The following LRRTM4 variants were observed in gnomAD, a reference collection of about 807,000 sequenced individuals.
LRRTM4 encodes leucine-rich repeat transmembrane neuronal protein 4.
Under a neutral mutation model 47.6 loss-of-function variants are expected in LRRTM4, and 25 were observed. That is an observed-to-expected ratio of 0.53 (90% confidence interval 0.38 to 0.73). LRRTM4 has a LOEUF of 0.73. Ranked by LOEUF, LRRTM4 falls within the 30% of genes least tolerant of loss-of-function variation. The probability of loss-of-function intolerance (pLI) is 0.00; values close to 1 mark genes in which losing one functional copy is unlikely to be tolerated. For missense variants in LRRTM4, 638 were observed against 713.4 expected (o/e 0.89, Z 1.20); for synonymous variants, 311 against 269.5 (o/e 1.15, Z -1.51).
intron 3 of LRRTM4, among the ~76,000 whole-genome samples, chr2:76,928,174 CAA>C (rs1674650989): frequency 6.6e-6 from 1 of 152,090 alleles, no homozygotes; most frequent in Non-Finnish European, 1.5e-5. Flanking sequence ...AGGTTTGCAA[CAA>C]AAGTCACACT....
chr2:76,798,344 A>G (rs1365159599), intron 3 of LRRTM4, among the ~76,000 whole-genome samples: 6 of 152,114 alleles, frequency 3.9e-5, no homozygotes, highest in Non-Finnish European at 8.8e-5. Context: ...CTGCTCCTGA[A>G]TGACTACTGG....
chr2:77,169,061 A>G (rs957465556), intron 3 of LRRTM4, among the ~76,000 whole-genome samples: 7 of 152,302 alleles, frequency 4.6e-5, no homozygotes, highest in African/African-American at 1.7e-4. Context: ...AAAAGTAGGC[A>G]TAGAAGAAAT....
intron 3 of LRRTM4, among the ~76,000 whole-genome samples, chr2:77,333,153 C>CTGTA (rs1671032389): frequency 2.0e-5 from 3 of 152,176 alleles, no homozygotes. Flanking sequence ...CCATGTGGAA[C>CTGTA]TGTAAGTCCA....
intron 3 of LRRTM4, among the ~76,000 whole-genome samples, chr2:77,191,530 A>C (rs943696616): frequency 6.6e-6 from 1 of 152,018 alleles, no homozygotes; most frequent in South Asian, 2.1e-4. Flanking sequence ...AAGTTTCCTT[A>C]GGATAAAAGT....
intron 3 of LRRTM4, among the ~76,000 whole-genome samples, chr2:77,198,234 G>T (rs147610788): frequency 1.2e-4 from 19 of 152,270 alleles, no homozygotes; most frequent in African/African-American, 3.4e-4. Context: ...GAAGAATCCT[G>T]CAAATGATCC....
chr2:76,899,643 A>G (rs1673553675), intron 3 of LRRTM4, among the ~76,000 whole-genome samples: 1 of 152,138 alleles, frequency 6.6e-6, no homozygotes, highest in African/African-American at 2.4e-5. Flanking sequence ...AAAGGCAGGA[A>G]AAAGTAATAG....
intron 3 of LRRTM4, among the ~76,000 whole-genome samples, chr2:77,277,797 T>C (rs533288408): frequency 8.5e-5 from 13 of 152,074 alleles, no homozygotes; most frequent in South Asian, 6.2e-4. Context: ...TTACATTTGC[T>C]TGTCATATTT....
chr2:77,029,910 G>T (rs1428372926), intron 3 of LRRTM4, among the ~76,000 whole-genome samples: 1 of 151,972 alleles, frequency 6.6e-6, no homozygotes, highest in Non-Finnish European at 1.5e-5. Flanking sequence ...GGGACTCAGG[G>T]GGAAATTAAA....
intron 3 of LRRTM4, among the ~76,000 whole-genome samples, chr2:77,209,318 A>G (rs1044373734): frequency 5.9e-5 from 9 of 152,142 alleles, no homozygotes; most frequent in Admixed American, 3.3e-4. Context: ...GGGCATCAGA[A>G]TTTGGGGAAA....
chr2:77,113,253 G>C (rs1258023250), intron 3 of LRRTM4, among the ~76,000 whole-genome samples: 2 of 152,124 alleles, frequency 1.3e-5, no homozygotes, highest in South Asian at 4.1e-4. Flanking sequence ...TAAATGCTGA[G>C]ATGGGGTTAG....
chr2:77,407,706 A>C (rs1186937776), intron 3 of LRRTM4, among the ~76,000 whole-genome samples: 4 of 127,836 alleles, frequency 3.1e-5, no homozygotes, highest in Non-Finnish European at 4.6e-5. Flanking sequence ...GATATATATA[A>C]TATATCATAT....
intron 3 of LRRTM4, among the ~76,000 whole-genome samples, chr2:77,488,882 A>G (rs1678028159): frequency 6.6e-6 from 1 of 151,956 alleles, no homozygotes; most frequent in African/African-American, 2.4e-5. Context: ...ATAAAATGTC[A>G]TAAACCACCA....
chr2:77,213,181 T>G (rs1674341961), intron 3 of LRRTM4, among the ~76,000 whole-genome samples: 1 of 152,198 alleles, frequency 6.6e-6, no homozygotes, highest in Admixed American at 6.5e-5. Flanking sequence ...TTCTTACATA[T>G]AATTTTCATT....
intron 3 of LRRTM4, among the ~76,000 whole-genome samples, chr2:77,344,196 T>C (rs1414785451): frequency 6.6e-6 from 1 of 151,346 alleles, no homozygotes; most frequent in African/African-American, 2.4e-5. Context: ...ACATGAAAAA[T>C]AACAATGAAA....
rs1421869380 is a variant in LRRTM4 at position 77,036,232 on chromosome 2, A to AT, written c.1552-287317dup. The stretch of plus-strand genomic sequence containing the variant: ...GGTAATACTGTCATTATGGGAGAAG[A>AT]TAAAAAATAAAATAATTGCAAAATA... On this transcript the variant is annotated intron_variant, in intron 3 of 3. Coordinates refer to ENST00000409884, the MANE Select transcript of LRRTM4 (RefSeq NM_001134745.3). Among the ~76,000 whole-genome samples the AT allele has an allele frequency of 2.0e-5, 3 of 151,622 alleles. No homozygotes were observed. In the East Asian group the frequency reaches 5.8e-4, roughly 29 times the overall value.
intron 3 of LRRTM4, among the ~76,000 whole-genome samples, chr2:77,440,654 C>G (rs930363533): frequency 6.6e-6 from 1 of 152,168 alleles, no homozygotes; most frequent in African/African-American, 2.4e-5. Context: ...AATTAATTAA[C>G]GGACACTGAA....
chr2:77,259,056 G>A (rs1376318594), intron 3 of LRRTM4, among the ~76,000 whole-genome samples: 29 of 151,848 alleles, frequency 1.9e-4, no homozygotes, highest in Admixed American at 1.9e-3. Context: ...TTATTGACCA[G>A]AAATCAGTGT....
At chr2:77,313,333 T>G (rs1413190785) in intron 3 of LRRTM4, among the ~76,000 whole-genome samples, 2 of 149,828 alleles carry the variant, frequency 1.3e-5, no homozygotes, top group Non-Finnish European at 3.0e-5. Context: ...CCCCTACCTT[T>G]TCCTGGGACC....
At chr2:76,927,567 T>C (rs529676090) in intron 3 of LRRTM4, among the ~76,000 whole-genome samples, 2 of 152,228 alleles carry the variant, frequency 1.3e-5, no homozygotes, top group African/African-American at 4.8e-5. Flanking sequence ...GTCATGTATG[T>C]AAAAAAGCCA....
Sources: gnomAD v4.1 joint callset for allele counts (sites outside exome capture counted in the v4.1 genomes callset) on GRCh38, gnomAD v4.1.1 for gene constraint, MANE v1.5 for transcripts, NCBI Gene and HGNC (gene_info 2026-07-23, HGNC 2026-07-21) for gene names.